The following TMEM156 variants were observed in gnomAD, a reference collection of about 807,000 sequenced individuals.
TMEM156 encodes transmembrane protein 156.
In TMEM156, 28 loss-of-function variants were observed where a neutral mutation model predicts 30.5. The ratio of observed to expected loss-of-function variants is 0.92; its 90% CI spans 0.68 to 1.26. The LOEUF (loss-of-function observed/expected upper bound fraction) is 1.26, where lower values mean the gene tolerates loss of function less well. Ranked by LOEUF, TMEM156 falls within the 50% of genes most tolerant of loss-of-function variation. The probability of loss-of-function intolerance (pLI) is 0.00; values close to 1 mark genes in which losing one functional copy is unlikely to be tolerated. For missense variants in TMEM156, 351 were observed against 340.6 expected (o/e 1.03, Z -0.24); for synonymous variants, 137 against 119.9 (o/e 1.14, Z -0.93).
chr4:38,995,346 A>T (rs942115373), intron 2 of TMEM156, among the ~76,000 whole-genome samples: 1 of 152,232 alleles, frequency 6.6e-6, no homozygotes, highest in African/African-American at 2.4e-5. Flanking sequence ...ATGTTACCCT[A>T]AAAACTTCAC....
intron 5 of TMEM156, among the ~76,000 whole-genome samples, chr4:38,985,812 A>C (rs140276782): frequency 0.012 from 1,903 of 152,302 alleles, 39 homozygotes; most frequent in African/African-American, 0.043. Context: ...AATTAGAAGA[A>C]AGGGATTGAA....
chr4:39,009,741 C>A (rs1713986815), intron 1 of TMEM156, among the ~76,000 whole-genome samples: 1 of 152,076 alleles, frequency 6.6e-6, no homozygotes, highest in Non-Finnish European at 1.5e-5. Context: ...ATTGAAGGAA[C>A]ACACCTCAAA....
intron 2 of TMEM156, among the ~76,000 whole-genome samples, chr4:38,998,123 G>T (rs561700723): frequency 6.6e-6 from 1 of 152,216 alleles, no homozygotes; most frequent in Admixed American, 6.5e-5. Flanking sequence ...GTGGCATTTT[G>T]ATGTATTTTA....
intron 5 of TMEM156, among the ~76,000 whole-genome samples, chr4:38,982,879 C>G (rs1195150618): frequency 1.3e-5 from 2 of 152,088 alleles, no homozygotes; most frequent in Non-Finnish European, 2.9e-5. Context: ...AACCTGATGT[C>G]GATATTTATT....
intron 5 of TMEM156, among the ~76,000 whole-genome samples, chr4:38,977,434 GT>G (rs763369972): frequency 2.6e-5 from 4 of 152,164 alleles, no homozygotes; most frequent in Non-Finnish European, 5.9e-5. Context: ...ATTATCTTCA[GT>G]TTCTTTCAGT....
intron 1 of TMEM156, among the ~76,000 whole-genome samples, chr4:39,017,126 A>G (rs113039561): frequency 2.7e-5 from 4 of 146,952 alleles, no homozygotes; most frequent in African/African-American, 1.0e-4. Context: ...TGAAGGTGAG[A>G]TTTGGGTGGG....
At chr4:39,017,846 T>A (rs1363927253) in intron 1 of TMEM156, among the ~76,000 whole-genome samples, 2 of 152,222 alleles carry the variant, frequency 1.3e-5, no homozygotes, top group Non-Finnish European at 2.9e-5. Context: ...TTGTTCCGTA[T>A]ATTTTTCTCA....
chr4:39,002,266 A>G lies in TMEM156; in HGVS notation c.89-3357T>C, dbSNP rs528141349. On this transcript the variant is annotated intron_variant, in intron 1 of 6. Coordinates refer to ENST00000381938, the MANE Select transcript of TMEM156 (RefSeq NM_024943.3). ...CTCAAAAGAAGACATTTATGCAGCC[A>G]AAAAACACACGAAAAAATGTTCACC... 1.2e-4 allele frequency among the ~76,000 whole-genome samples: 19 copies of G among 152,152 alleles called. No homozygotes were observed. The East Asian group carries it at 2.3e-3, about 19-fold the overall frequency.
At chr4:38,975,379 C>CTTTTTTTTTTTTT (rs200919074) in intron 5 of TMEM156, among the ~76,000 whole-genome samples, 5 of 123,798 alleles carry the variant, frequency 4.0e-5, no homozygotes, top group South Asian at 5.3e-4. Context: ...TTTCTTTTTT[C>CTTTTTTTTTTTTT]TTTTCTTTTT....
intron 1 of TMEM156, among the ~76,000 whole-genome samples, chr4:39,013,392 T>C (rs1418363370): frequency 6.8e-6 from 1 of 147,458 alleles, no homozygotes; most frequent in Admixed American, 6.7e-5. Context: ...TTTATTTATT[T>C]ATTTATTTAT....
intron 5 of TMEM156, among the ~76,000 whole-genome samples, chr4:38,976,824 GA>G (rs1466314155): frequency 6.6e-6 from 1 of 152,242 alleles, no homozygotes; most frequent in African/African-American, 2.4e-5. Context: ...TAAAGCTTCA[GA>G]ATGAATTTAC....
chr4:39,021,152 T>C (rs996076531), intron 1 of TMEM156, among the ~76,000 whole-genome samples: 1 of 152,178 alleles, frequency 6.6e-6, no homozygotes, highest in African/African-American at 2.4e-5. Context: ...CCAATAATCC[T>C]AGCACTTTGG....
At chr4:39,026,462 A>G (rs1311241838) in intron 1 of TMEM156, among the ~76,000 whole-genome samples, 1 of 152,218 alleles carries the variant, frequency 6.6e-6, no homozygotes, top group African/African-American at 2.4e-5. Context: ...GATTGTTGGT[A>G]GGTATTGCAA....
Position 38,988,512 on chromosome 4 carries a change from ATGAGTCACCGCGCTCGGCC to A in TMEM156, c.739+320_739+338del, listed in dbSNP as rs1445848919. Among the ~76,000 whole-genome samples, 4 of 152,282 alleles carry A rather than the reference ATGAGTCACCGCGCTCGGCC, an allele frequency of 2.6e-5. No individual in the cohort carries two copies. In the East Asian group the frequency reaches 7.7e-4, roughly 29 times the overall value. On this transcript the variant is annotated intron_variant, in intron 4 of 6. Transcript: ENST00000381938. Reference sequence around the variant, plus strand: ...CTCCCAAGGTGCTGGGATTACAGGCATGAGTCACCGCGCTCGGCCTGAAATTCTTTATCCCCACTTCCTG... The same window carrying A: ...CTCCCAAGGTGCTGGGATTACAGGCATGAAATTCTTTATCCCCACTTCCTG...
chr4:39,015,789 G>T (rs890253006), intron 1 of TMEM156, among the ~76,000 whole-genome samples: 1 of 152,016 alleles, frequency 6.6e-6, no homozygotes, highest in Non-Finnish European at 1.5e-5. Flanking sequence ...ATTGAATCAC[G>T]GGGGCTGTTT....
At chr4:38,980,226 A>G (rs893832197) in intron 5 of TMEM156, among the ~76,000 whole-genome samples, 19 of 151,960 alleles carry the variant, frequency 1.3e-4, no homozygotes, top group African/African-American at 4.1e-4. Context: ...ACAGCTGCCA[A>G]TATTCTGAGA....
chr4:38,973,560 A>G (rs1180950779), intron 5 of TMEM156, among the ~76,000 whole-genome samples: 1 of 152,100 alleles, frequency 6.6e-6, no homozygotes, highest in Non-Finnish European at 1.5e-5. Flanking sequence ...GTCCCTTACT[A>G]AATTTTTCTT....
intron 1 of TMEM156, among the ~76,000 whole-genome samples, chr4:39,000,878 C>T (rs1713295131): frequency 6.6e-6 from 1 of 152,056 alleles, no homozygotes; most frequent in Admixed American, 6.6e-5. Context: ...CAGAGTGAGA[C>T]TCCATCTCAA....
intron 1 of TMEM156, among the ~76,000 whole-genome samples, chr4:39,027,383 TTTC>T (rs1435598249): frequency 6.6e-6 from 1 of 152,156 alleles, no homozygotes; most frequent in Non-Finnish European, 1.5e-5. Context: ...TATCCTTTGT[TTTC>T]TTCAATTTCA....
Sources: gnomAD v4.1 joint callset for allele counts (sites outside exome capture counted in the v4.1 genomes callset) on GRCh38, gnomAD v4.1.1 for gene constraint, MANE v1.5 for transcripts, NCBI Gene and HGNC (gene_info 2026-07-23, HGNC 2026-07-21) for gene names.